FRY: variants seen among roughly 807,000 people sequenced by gnomAD.
FRY encodes protein furry homolog.
A neutral mutation model predicts 348.4 loss-of-function variants in FRY; 128 were observed. The ratio of observed to expected loss-of-function variants is 0.37; its 90% confidence interval spans 0.32 to 0.43. The LOEUF is 0.43. Ranked by LOEUF, FRY falls within the 20% of genes least tolerant of loss-of-function variation. FRY has a pLI of 1.00. For missense variants in FRY, 2,736 were observed against 3,695.2 expected (o/e 0.74, Z 6.73); for synonymous variants, 1,370 against 1,374.7 (o/e 1.00, Z 0.08).
Position 32,144,463 on chromosome 13 carries a change from A to G in FRY, c.1180-2819A>G, listed in dbSNP as rs376345690. On this transcript the variant is annotated intron_variant, in intron 11 of 60. Transcript: ENST00000542859. ...TTAGTACTTGAATAGACAGACTAGTAGAACAAAAGGAAATGTAGAACAGAC... is the reference window on the plus strand; with the variant it reads ...TTAGTACTTGAATAGACAGACTAGTGGAACAAAAGGAAATGTAGAACAGAC... Among the ~76,000 whole-genome samples the G allele has an allele frequency of 1.5e-3, 226 of 151,884 alleles. 1 individual carries two copies. Among genetic ancestry groups the G allele is most frequent in the African/African-American group, 5.2e-3 (217 of 41,396 alleles).
At chr13:32,280,925 A>G (rs1454061613) in intron 58 of FRY, among the ~76,000 whole-genome samples, 1 of 152,170 alleles carries the variant, frequency 6.6e-6, no homozygotes, top group East Asian at 1.9e-4. Context: ...AAGTTGTTTT[A>G]CTTGGTATTA....
At chr13:32,171,777 T>C (rs1457860020) in intron 18 of FRY, among the ~76,000 whole-genome samples, 1 of 152,230 alleles carries the variant, frequency 6.6e-6, no homozygotes, top group Non-Finnish European at 1.5e-5. Context: ...CACATCAGGT[T>C]AGACTTGTGA....
intron 17 of FRY, among the ~76,000 whole-genome samples, chr13:32,163,513 C>G (rs975386747): frequency 6.6e-6 from 1 of 152,084 alleles, no homozygotes; most frequent in Non-Finnish European, 1.5e-5. Context: ...AGAGAGGAGG[C>G]GTCTGCAGGG....
intron 1 of FRY, among the ~76,000 whole-genome samples, chr13:32,057,818 A>G (rs1378575403): frequency 1.3e-5 from 2 of 151,974 alleles, no homozygotes; most frequent in African/African-American, 4.8e-5. Context: ...AAATTAGCCG[A>G]GTGTGGTGGC....
At chr13:32,079,450 T>C (rs1383081791) in intron 2 of FRY, among the ~76,000 whole-genome samples, 2 of 152,192 alleles carry the variant, frequency 1.3e-5, no homozygotes, top group African/African-American at 2.4e-5. Context: ...CAGGTGGCTG[T>C]GTGGACTTCG....
intron 31 of FRY, 26 bp downstream of exon 31, chr13:32,202,553 A>T: frequency 6.5e-7 from 1 of 1,530,078 alleles, no homozygotes; most frequent in Non-Finnish European, 9.1e-7. Context: ...CAATAATGAC[A>T]TATGTGATCA....
rs190373025 is a variant in FRY at position 32,120,805 on chromosome 13, G to T, written c.464+3332G>T. Among the ~76,000 whole-genome samples, 24 of 152,328 alleles carry T rather than the reference G, an allele frequency of 1.6e-4. No homozygotes were observed. In the East Asian group the frequency reaches 3.7e-3, roughly 23 times the overall value. On this transcript the variant is annotated intron_variant, in intron 4 of 60. Coordinates refer to ENST00000542859, the MANE Select transcript of FRY (RefSeq NM_023037.3). The stretch of plus-strand genomic sequence containing the variant: ...GCCTCCCAAGTAGCTGGAACTACAG[G>T]CATGCACCACTGTGCCTGGCTAATT...
At chr13:32,184,229 G>C (rs2138260437) in intron 24 of FRY, among the ~76,000 whole-genome samples, 1 of 152,296 alleles carries the variant, frequency 6.6e-6, no homozygotes, top group South Asian at 2.1e-4. Flanking sequence ...AAATTCAGCA[G>C]TGTGAATAAG....
At chr13:32,125,847 C>T (rs1394297586) in intron 7 of FRY, among the ~76,000 whole-genome samples, 8 of 151,888 alleles carry the variant, frequency 5.3e-5, no homozygotes, top group Non-Finnish European at 1.2e-4. Flanking sequence ...CATCAGTGTT[C>T]GAAGGAGGAA....
chr13:32,228,628 C>G lies in FRY; in HGVS notation c.5379C>G (p.Asn1793Lys), dbSNP rs1269770232. 1 of 1,614,118 alleles carries G rather than the reference C, an allele frequency of 6.2e-7. No homozygotes were observed. The highest frequency in any genetic ancestry group is 1.7e-5 in the Admixed American group (1 of 60,018). ...DTAAETDEKANKLIEFLTTRA... is the reference protein window; with the variant it reads ...DTAAETDEKAKKLIEFLTTRA... ...CTGCTGAAACAGATGAGAAGGCAAA[C>G]AAGCTCATTGAGTTTCTCACGACCA... Residue 1793 changes from asparagine (N) to lysine (K), a missense_variant, in exon 40 of 61, where the codon AAC (asparagine) becomes AAG (lysine). Asn to Lys is a moderately conservative substitution (Grantham distance 94). This residue lies in a region of FRY where 794 missense variants were observed against 977.0 expected (regional missense o/e 0.81). Transcript: ENST00000542859.
intron 55 of FRY, among the ~76,000 whole-genome samples, chr13:32,274,633 G>T (rs533445667): frequency 6.8e-6 from 1 of 147,626 alleles, no homozygotes; most frequent in Non-Finnish European, 1.5e-5. Context: ...GAACCTGGGA[G>T]GGGGAGCTTG....
chr13:32,142,903 A>G (rs1418621320), intron 11 of FRY, among the ~76,000 whole-genome samples: 1 of 152,236 alleles, frequency 6.6e-6, no homozygotes, highest in Non-Finnish European at 1.5e-5. Flanking sequence ...TCTGTTTCCT[A>G]GAAAACAGAG....
At chr13:32,090,350 CAA>C (rs34392238) in intron 2 of FRY, among the ~76,000 whole-genome samples, 6 of 58,798 alleles carry the variant, frequency 1.0e-4, no homozygotes, top group East Asian at 1.0e-3. Context: ...GACTCCATCT[CAA>C]AAAAAAAAAA....
At chr13:32,033,039 A>C (rs1872322564) in intron 1 of FRY, among the ~76,000 whole-genome samples, 1 of 152,144 alleles carries the variant, frequency 6.6e-6, no homozygotes, top group East Asian at 1.9e-4. Context: ...TGCATCTCTA[A>C]ATGATATCCA....
chr13:32,245,615 G>A (rs1046185677), intron 47 of FRY, among the ~76,000 whole-genome samples: 6 of 151,940 alleles, frequency 3.9e-5, no homozygotes, highest in Non-Finnish European at 7.4e-5. Flanking sequence ...TAGGAAGATA[G>A]GAATATAGAT....
At chr13:32,111,390 G>A (rs1310397979) in intron 3 of FRY, among the ~76,000 whole-genome samples, 1 of 152,138 alleles carries the variant, frequency 6.6e-6, no homozygotes, top group Non-Finnish European at 1.5e-5. Context: ...CACCTACTCG[G>A]GAGGCTGAGA....
intron 1 of FRY, among the ~76,000 whole-genome samples, chr13:32,075,762 C>T (rs914905725): frequency 2.6e-5 from 4 of 152,182 alleles, no homozygotes. Flanking sequence ...AAGAGGGTTA[C>T]TGAAACTTGG....
intron 1 of FRY, among the ~76,000 whole-genome samples, chr13:32,044,696 A>G (rs1872927420): frequency 6.6e-6 from 1 of 152,176 alleles, no homozygotes; most frequent in South Asian, 2.1e-4. Flanking sequence ...CCTTCAGTGC[A>G]AGCTTCTGAC....
intron 1 of FRY, among the ~76,000 whole-genome samples, chr13:32,069,185 G>T (rs1874461024): frequency 6.6e-6 from 1 of 152,148 alleles, no homozygotes; most frequent in East Asian, 1.9e-4. Context: ...AAAGTGCTGG[G>T]ATTACAGGCA....
Sources: allele counts gnomAD v4.1 joint callset (sites outside exome capture counted in the v4.1 genomes callset), GRCh38; gene constraint gnomAD v4.1.1; regional missense constraint gnomAD v4.1.1; transcripts MANE v1.5; gene names NCBI Gene and HGNC (gene_info 2026-07-23, HGNC 2026-07-21).